The following ZNF148 variants were observed in gnomAD, a reference collection of about 807,000 sequenced individuals.
The protein encoded by ZNF148 is Beta-Enolase Repressor Factor-1.
ZNF148 carries 7 observed loss-of-function variants against 67.7 expected under a neutral mutation model. That is an observed-to-expected ratio of 0.10 (90% CI 0.06 to 0.19). The LOEUF is 0.19. Ranked by LOEUF, ZNF148 falls within the 10% of genes least tolerant of loss-of-function variation. The pLI is 1.00. For missense variants in ZNF148, 583 were observed against 947.1 expected (o/e 0.62, Z 5.05); for synonymous variants, 333 against 330.7 (o/e 1.01, Z -0.08).
At chr3:125,262,404 AATAC>A (rs943586337) in intron 7 of ZNF148, among the ~76,000 whole-genome samples, 1 of 152,248 alleles carries the variant, frequency 6.6e-6, no homozygotes. Context: ...GAGCTTGGAA[AATAC>A]ATCCACTGCC....
At chr3:125,276,027 C>A (rs533924141) in intron 7 of ZNF148, among the ~76,000 whole-genome samples, 3 of 152,120 alleles carry the variant, frequency 2.0e-5, no homozygotes, top group African/African-American at 4.8e-5. Context: ...TGTTTTTCCA[C>A]GTCTGTTTTT....
In ZNF148 at chr3:125,323,328, G is replaced by T. The variant is rs972772390; in HGVS notation, c.-36C>A. 1 of 646,394 alleles carries T rather than the reference G, an allele frequency of 1.5e-6. No homozygotes were observed. The highest frequency in any genetic ancestry group is 2.7e-6 in the Non-Finnish European group (1 of 364,704). 40.0% of individuals were successfully genotyped at this position (646,394 alleles called of 1,614,324 possible). Reference sequence around the variant, plus strand: ...AATTACCCGAGACTAAGGTAAAAACGAAGACTTCAAGGAAAGGAATGCTGT... The same window carrying T: ...AATTACCCGAGACTAAGGTAAAAACTAAGACTTCAAGGAAAGGAATGCTGT... On this transcript the variant is annotated 5_prime_UTR_variant, in exon 3 of 9. Coordinates refer to ENST00000360647, the MANE Select transcript of ZNF148 (RefSeq NM_021964.3).
chr3:125,286,373 T>C (rs1201512379), intron 5 of ZNF148, among the ~76,000 whole-genome samples: 1 of 152,138 alleles, frequency 6.6e-6, no homozygotes, highest in Non-Finnish European at 1.5e-5. Flanking sequence ...TAAACTATAA[T>C]GAGGCTCCCA....
chr3:125,336,606 T>C (rs1477270867), intron 1 of ZNF148, among the ~76,000 whole-genome samples: 1 of 151,974 alleles, frequency 6.6e-6, no homozygotes, highest in Non-Finnish European at 1.5e-5. Context: ...CCTAATAGTA[T>C]ATTTTTTATA....
intron 7 of ZNF148, among the ~76,000 whole-genome samples, chr3:125,265,577 A>G (rs1196359832): frequency 6.6e-6 from 1 of 152,232 alleles, no homozygotes; most frequent in Non-Finnish European, 1.5e-5. Flanking sequence ...ATAAAGTTAG[A>G]CTTTCTCAGG....
intron 2 of ZNF148, among the ~76,000 whole-genome samples, chr3:125,326,759 TAAAG>T (rs1941040833): frequency 1.4e-5 from 2 of 147,620 alleles, no homozygotes; most frequent in Admixed American, 6.8e-5. Context: ...TATATACATA[TAAAG>T]ATATATATAT....
At chr3:125,284,986 G>C (rs1938583163) in intron 5 of ZNF148, among the ~76,000 whole-genome samples, 1 of 150,898 alleles carries the variant, frequency 6.6e-6, no homozygotes, top group Non-Finnish European at 1.5e-5. Context: ...TAAAATCCAT[G>C]GCAGCTAAAG....
intron 5 of ZNF148, among the ~76,000 whole-genome samples, chr3:125,282,486 T>C (rs908339680): frequency 5.3e-5 from 8 of 152,178 alleles, no homozygotes; most frequent in Admixed American, 2.0e-4. Flanking sequence ...AGGAGAAATA[T>C]GGTATATTAC....
At chr3:125,265,836 G>A (rs1446644801) in intron 7 of ZNF148, among the ~76,000 whole-genome samples, 3 of 152,086 alleles carry the variant, frequency 2.0e-5, no homozygotes, top group Admixed American at 2.0e-4. Flanking sequence ...TGTGTTTGCA[G>A]TCATTTTGTT....
At chr3:125,334,596 C>T (rs1414679353) in intron 1 of ZNF148, among the ~76,000 whole-genome samples, 2 of 152,118 alleles carry the variant, frequency 1.3e-5, no homozygotes, top group African/African-American at 2.4e-5. Context: ...TAGGACACTA[C>T]AGGTATTAAA....
chr3:125,313,279 G>A (rs1304761268), intron 4 of ZNF148, 29 bp downstream of exon 4: 3 of 1,550,496 alleles, frequency 1.9e-6, no homozygotes, highest in South Asian at 2.4e-5. Flanking sequence ...ATGTTTCTAA[G>A]TTTAATATCT....
At chr3:125,283,610 C>T (rs1938506445) in intron 5 of ZNF148, among the ~76,000 whole-genome samples, 2 of 152,018 alleles carry the variant, frequency 1.3e-5, no homozygotes, top group South Asian at 2.1e-4. Flanking sequence ...AATCTTCTTC[C>T]TTCATTTTCT....
chr3:125,249,905 A>C (rs1408538772), intron 7 of ZNF148, among the ~76,000 whole-genome samples: 2 of 152,182 alleles, frequency 1.3e-5, no homozygotes, highest in African/African-American at 2.4e-5. Flanking sequence ...ACATTATATT[A>C]GTTGAAATAA....
intron 7 of ZNF148, among the ~76,000 whole-genome samples, chr3:125,276,125 T>G (rs181968111): frequency 2.0e-3 from 308 of 152,322 alleles, no homozygotes; most frequent in Non-Finnish European, 3.2e-3. Flanking sequence ...AATAAATTTT[T>G]GTTGAATGAA....
At chr3:125,276,407 G>A (rs1032231445) in intron 7 of ZNF148, among the ~76,000 whole-genome samples, 1 of 150,612 alleles carries the variant, frequency 6.6e-6, no homozygotes, top group Non-Finnish European at 1.5e-5. Flanking sequence ...CACAGTTAAA[G>A]TTTTATTTAT....
intron 5 of ZNF148, among the ~76,000 whole-genome samples, chr3:125,281,864 G>C (rs567482778): frequency 3.9e-5 from 6 of 152,110 alleles, no homozygotes; most frequent in Non-Finnish European, 7.4e-5. Flanking sequence ...AAAGGACATA[G>C]AGTAAACTCA....
intron 2 of ZNF148, among the ~76,000 whole-genome samples, chr3:125,328,275 C>T (rs1324315824): frequency 6.6e-6 from 1 of 152,128 alleles, no homozygotes; most frequent in African/African-American, 2.4e-5. Flanking sequence ...CTGTTCTTCA[C>T]TGCCCACCTC....
intron 3 of ZNF148, among the ~76,000 whole-genome samples, chr3:125,321,810 TAATA>T (rs1477857665): frequency 2.0e-5 from 3 of 152,052 alleles, no homozygotes; most frequent in Non-Finnish European, 4.4e-5. Context: ...TAATCTTACA[TAATA>T]AATATTTTAA....
chr3:125,233,688 C>A lies in ZNF148; in HGVS notation c.1038G>T (p.Leu346Phe). The change falls in exon 9 of 9, where the codon TTG becomes TTT. Residue 346 changes from leucine to phenylalanine, a missense_variant. By Grantham distance (22) the Leu-to-Phe change is conservative. Transcript: ENST00000360647. The surrounding 1 kb of genome is among the most constrained non-coding windows in gnomAD (Gnocchi z 5.1). The stretch of plus-strand genomic sequence containing the variant: ...CTTTAGTACTTGAAGAATAAAGAGG[C>A]AAGTAATCATTTTTGTCTTTTTTCA... Reference protein sequence around the residue: ...SDLKKDKNDYLPLYSSSTKVK... With the variant: ...SDLKKDKNDYFPLYSSSTKVK... 1.2e-6 allele frequency: 2 copies of A among 1,613,900 alleles called. No homozygotes were observed. The highest frequency in any genetic ancestry group is 1.7e-6 in the Non-Finnish European group (2 of 1,179,878).
Sources: gnomAD v4.1 joint callset for allele counts (sites outside exome capture counted in the v4.1 genomes callset) on GRCh38, gnomAD v4.1.1 for gene constraint, Gnocchi (gnomAD v3.1) non-coding constraint, MANE v1.5 for transcripts, NCBI Gene and HGNC (gene_info 2026-07-23, HGNC 2026-07-21) for gene names.